CSNK1E: variants seen among roughly 807,000 people sequenced by gnomAD.
The protein encoded by CSNK1E is casein kinase 1 epsilon, also known as casein kinase I isoform epsilon.
Under a neutral mutation model 46.1 loss-of-function variants are expected in CSNK1E, and 17 were observed. That is an observed-to-expected ratio of 0.37 (90% CI 0.25 to 0.55). CSNK1E has a LOEUF of 0.55. CSNK1E is among the 20% of genes least tolerant of loss of function. The pLI, the probability that CSNK1E is intolerant of heterozygous loss-of-function variation, is 0.82. For missense variants in CSNK1E, 386 were observed against 595.4 expected (o/e 0.65, Z 3.66); for synonymous variants, 241 against 242.6 (o/e 0.99, Z 0.06).
rs142581284 is a variant in CSNK1E, at chr22:38,302,053, C to T, written c.336+808G>A. Among the ~76,000 whole-genome samples, 108 of 152,314 alleles carry T rather than the reference C, an allele frequency of 7.1e-4. No individual in the cohort carries two copies. The East Asian group carries it at 0.017, about 24-fold the overall frequency. ...GTTAGAGGGGCCTGTTTTGGCAAGG[C>T]GCTGAATGGTATCTCACCTAATCCC... On this transcript the variant is annotated intron_variant, in intron 4 of 10. Coordinates refer to ENST00000396832, the MANE Select transcript of CSNK1E (RefSeq NM_152221.3).
chr22:38,303,253 C>A lies in CSNK1E; in HGVS notation c.77-5G>T. 1 of 1,596,054 alleles carries A rather than the reference C, an allele frequency of 6.3e-7. No homozygotes were observed. Among genetic ancestry groups the A allele is most frequent in the Non-Finnish European group, 8.5e-7 (1 of 1,172,208 alleles). Reference sequence around the variant, plus strand: ...CACCAGAGGCGATGTTGGCACCTGCCCGGGGCAGGGAGGCAAGGGACCAGG... The same window carrying A: ...CACCAGAGGCGATGTTGGCACCTGCACGGGGCAGGGAGGCAAGGGACCAGG... On this transcript the variant is annotated splice_polypyrimidine_tract_variant and splice_region_variant and intron_variant, in intron 2 of 10. Coordinates refer to ENST00000396832, the MANE Select transcript of CSNK1E (RefSeq NM_152221.3). This position sits in a 1 kb window ranked among gnomAD's most constrained non-coding sequence, Gnocchi z 4.7.
At chr22:38,305,463 CAA>C (rs3041808) in intron 2 of CSNK1E, among the ~76,000 whole-genome samples, 1 of 21,426 alleles carries the variant, frequency 4.7e-5, no homozygotes, top group Non-Finnish European at 8.5e-5. Context: ...CCTTCCTCTC[CAA>C]AAAAAAAAGA....
At chr22:38,297,993 G>A (rs914489829) in intron 7 of CSNK1E, 39 of 1,132,964 alleles carry the variant, frequency 3.4e-5, no homozygotes, top group Non-Finnish European at 4.0e-5. Flanking sequence ...CAGGGGAGCC[G>A]GGCACCTGAA....
At chr22:38,297,079 T>C in intron 7 of CSNK1E, 2 of 769,444 alleles carry the variant, frequency 2.6e-6, no homozygotes, top group Non-Finnish European at 2.4e-6. Context: ...TGGCCGACAT[T>C]TCCAGTCTTG....
intron 1 of CSNK1E, among the ~76,000 whole-genome samples, chr22:38,314,718 G>T (rs2145854784): frequency 6.6e-6 from 1 of 152,338 alleles, no homozygotes. Flanking sequence ...GTTTGGAGCT[G>T]GCGTCCTTTA....
At position 38,291,078 on chromosome 22, in the gene CSNK1E, A is replaced by G. The variant is rs1458236990; in HGVS notation, c.*893T>C. 6.6e-6 allele frequency: 1 copy of G among 152,262 alleles called. No homozygotes were observed. The highest frequency in any genetic ancestry group is 1.5e-5 in the Non-Finnish European group (1 of 68,060). The allele number at this position is 152,262 out of a possible 1,614,324, so 9.4% of individuals were successfully genotyped here. ...ACTGTCAGGACCAGGGAAGTAATTT[A>G]TAACTCAGAGCCAGATGCCTTCTGG... On this transcript the variant is annotated 3_prime_UTR_variant, in exon 11 of 11. Transcript: ENST00000396832.
chr22:38,312,649 C>G (rs372388806), intron 2 of CSNK1E, among the ~76,000 whole-genome samples: 1 of 152,222 alleles, frequency 6.6e-6, no homozygotes, highest in South Asian at 2.1e-4. Context: ...ACTAAGCACT[C>G]AGCAATGAAC....
At chr22:38,293,211 T>A in intron 10 of CSNK1E, 44 bp downstream of exon 10, 1 of 1,516,994 alleles carries the variant, frequency 6.6e-7, no homozygotes, top group Non-Finnish European at 9.1e-7. Flanking sequence ...TGGGAGCTTC[T>A]AGGTCGGCTG....
At position 38,294,254 on chromosome 22, in the gene CSNK1E, G is replaced by A. The variant is rs200191639; in HGVS notation, c.1079-6C>T. 1.5e-5 allele frequency: 24 copies of A among 1,610,804 alleles called. No homozygotes were observed. Among genetic ancestry groups the A allele is most frequent in the East Asian group, 2.2e-5 (1 of 44,850 alleles). ...CGCTCTGGGAGAAGTATTGCCTGGA[G>A]GGAGAGTGGGAAGCCACCCTCAGAG... is the stretch of plus-strand genomic sequence containing the variant. On this transcript the variant is annotated splice_region_variant and splice_polypyrimidine_tract_variant and intron_variant, in intron 8 of 10. Transcript: ENST00000396832. This position sits in a 1 kb window ranked among gnomAD's most constrained non-coding sequence, Gnocchi z 5.5.
Position 38,294,782 on chromosome 22 carries a change from C to G in CSNK1E, c.886-248G>C, listed in dbSNP as rs2092631090. ...GGCAGAGGGAGGTCAGTCTGCCCTG[C>G]TCTCCTGGGATGGAGCCAGAGAAAG... On this transcript the variant is annotated intron_variant, in intron 7 of 10. Coordinates refer to ENST00000396832, the MANE Select transcript of CSNK1E (RefSeq NM_152221.3). The surrounding 1 kb of genome is among the most constrained non-coding windows in gnomAD (Gnocchi z 5.5). 6.6e-6 allele frequency among the ~76,000 whole-genome samples: 1 copy of G among 152,178 alleles called. No individual in the cohort carries two copies. Among genetic ancestry groups the G allele is most frequent in the Non-Finnish European group, 1.5e-5 (1 of 68,016 alleles).
At chr22:38,295,911 G>A (rs1452227485) in intron 7 of CSNK1E, among the ~76,000 whole-genome samples, 1 of 152,260 alleles carries the variant, frequency 6.6e-6, no homozygotes, top group East Asian at 1.9e-4. Flanking sequence ...CTCAGCCAGA[G>A]CCACAGCAAA....
In CSNK1E at chr22:38,313,632, G is replaced by A. The variant is rs143706521; in HGVS notation, c.76+450C>T. 1.9e-4 allele frequency among the ~76,000 whole-genome samples: 29 copies of A among 152,326 alleles called. 2 individuals are homozygous for A. In the East Asian group the frequency reaches 4.8e-3, roughly 25 times the overall value. ...CCCCCGAGGTTACAGGGGAGCCTGC[G>A]TCATCCCAAAGCCTGCCTGGGCTGG... On this transcript the variant is annotated intron_variant, in intron 2 of 10. Transcript: ENST00000396832.
chr22:38,303,028 GC>G lies in CSNK1E; in HGVS notation c.188-20del. ...ATCCCCACTGGGGGTCAAGCAGAGGGCCTCTGTCAGGGGTCAGAGGCAGGCA... is the reference window on the plus strand; with the variant it reads ...ATCCCCACTGGGGGTCAAGCAGAGGGCTCTGTCAGGGGTCAGAGGCAGGCA... On this transcript the variant is annotated intron_variant, in intron 3 of 10. Coordinates refer to ENST00000396832, the MANE Select transcript of CSNK1E (RefSeq NM_152221.3). This position sits in a 1 kb window ranked among gnomAD's most constrained non-coding sequence, Gnocchi z 4.7. 2 of 1,591,192 alleles carry G rather than the reference GC, an allele frequency of 1.3e-6. No individual in the cohort carries two copies. The highest frequency in any genetic ancestry group is 1.7e-6 in the Non-Finnish European group (2 of 1,173,580).
At chr22:38,296,295 C>T in intron 7 of CSNK1E, 3 of 1,306,216 alleles carry the variant, frequency 2.3e-6, no homozygotes, top group Non-Finnish European at 2.9e-6. Context: ...GACCTCTGTC[C>T]TTGGCTGTGT....
In CSNK1E at chr22:38,291,947, G is replaced by C. The variant is rs530390909; in HGVS notation, c.*33-9C>G. ...AAAATACAGTGAAGACACTAGAAGG[G>C]AGAAGGGAAAAGACAGGTGAGGTAC... On this transcript the variant is annotated splice_polypyrimidine_tract_variant and intron_variant, in intron 10 of 10. Coordinates refer to ENST00000396832, the MANE Select transcript of CSNK1E (RefSeq NM_152221.3). 7.0e-6 allele frequency: 1 copy of C among 143,284 alleles called. No homozygotes were observed. Among genetic ancestry groups the C allele is most frequent in the East Asian group, 2.2e-4 (1 of 4,586 alleles). The allele number at this position is 143,284 out of a possible 1,614,324, so 8.9% of individuals were successfully genotyped here.
In CSNK1E at chr22:38,298,240, T is replaced by A. The variant is rs765315480; in HGVS notation, c.885+546A>T. ...GAGATGTGAAACAAGACATACAATT[T>A]CACAGATTCCAGAGCTCTGGGTACG... On this transcript the variant is annotated intron_variant, in intron 7 of 10. Coordinates refer to ENST00000396832, the MANE Select transcript of CSNK1E (RefSeq NM_152221.3). The surrounding 1 kb of genome is among the most constrained non-coding windows in gnomAD (Gnocchi z 4.2). 1.5e-6 allele frequency: 2 copies of A among 1,296,292 alleles called. No individual in the cohort carries two copies. The highest frequency in any genetic ancestry group is 2.0e-6 in the Non-Finnish European group (2 of 984,102). The allele number at this position is 1,296,292 out of a possible 1,614,324, so 80.3% of individuals were successfully genotyped here. A position where few individuals can be genotyped will look rare whatever the true frequency, so the allele number is the denominator to read the frequency against.
intron 2 of CSNK1E, among the ~76,000 whole-genome samples, chr22:38,313,556 AAAAG>A (rs2092730020): frequency 1.3e-5 from 2 of 152,312 alleles, no homozygotes; most frequent in East Asian, 1.9e-4. Context: ...TCCGGAGAGA[AAAAG>A]AGAGAGAGAG....
chr22:38,313,459 C>A (rs1375738984), intron 2 of CSNK1E, among the ~76,000 whole-genome samples: 2 of 152,260 alleles, frequency 1.3e-5, no homozygotes, highest in African/African-American at 4.8e-5. Context: ...AGCCTCATTT[C>A]TCCCAGGCCA....
Position 38,303,005 on chromosome 22 carries a change from C to G in CSNK1E, c.192G>C (p.Gly64=). The G allele has an allele frequency of 6.2e-7, 1 of 1,613,612 alleles. No individual in the cohort carries two copies. The highest frequency in any genetic ancestry group is 8.5e-7 in the Non-Finnish European group (1 of 1,179,908). ...CTCCGCACCACTTGATGGACGGGAT[C>G]CCCACTGGGGGTCAAGCAGAGGGCC... The part of the protein sequence containing the change: ...KFYKMMQGGV[G]IPSIKWCGAE... The change falls in exon 4 of 11, where the codon GGG becomes GGC. Residue 64 remains glycine, a synonymous_variant. Transcript: ENST00000396832. This position sits in a 1 kb window ranked among gnomAD's most constrained non-coding sequence, Gnocchi z 4.7.
Sources: gnomAD v4.1 joint callset for allele counts (sites outside exome capture counted in the v4.1 genomes callset) on GRCh38, gnomAD v4.1.1 for gene constraint, Gnocchi (gnomAD v3.1) non-coding constraint, MANE v1.5 for transcripts, NCBI Gene and HGNC (gene_info 2026-07-23, HGNC 2026-07-21) for gene names.